TNRC6B: variants seen among roughly 807,000 people sequenced by gnomAD.
TNRC6B encodes trinucleotide repeat containing adaptor 6B.
A neutral mutation model predicts 203.6 loss-of-function variants in TNRC6B; 52 were observed. The ratio of observed to expected loss-of-function variants is 0.26; its 90% CI spans 0.20 to 0.32. The LOEUF (loss-of-function observed/expected upper bound fraction) is 0.32. TNRC6B is among the 10% of genes least tolerant of loss of function. The probability of loss-of-function intolerance (pLI) is 1.00; values close to 1 mark genes in which losing one functional copy is unlikely to be tolerated. For missense variants in TNRC6B, 1,923 were observed against 2,286.2 expected, an observed-to-expected ratio of 0.84 and a Z score of 3.24; for synonymous variants, 838 against 845.7, an observed-to-expected ratio of 0.99 and a Z score of 0.16.
chr22:40,122,774 G>A (rs1217935669), intron 2 of TNRC6B, among the ~76,000 whole-genome samples: 1 of 152,214 alleles, frequency 6.6e-6, no homozygotes, highest in Non-Finnish European at 1.5e-5. Flanking sequence ...TGTCTTGTGA[G>A]TTGGTCATCT....
At chr22:40,136,825 G>C (rs1242291870) in intron 3 of TNRC6B, among the ~76,000 whole-genome samples, 3 of 152,088 alleles carry the variant, frequency 2.0e-5, no homozygotes. Context: ...AATATTTACT[G>C]AATCAGGAAG....
At chr22:40,049,485 A>G (rs2067727302) in intron 1 of TNRC6B, among the ~76,000 whole-genome samples, 2 of 152,020 alleles carry the variant, frequency 1.3e-5, no homozygotes, top group South Asian at 4.2e-4. Flanking sequence ...CTCTTTTTCT[A>G]ATCTTCATAA....
chr22:40,142,511 A>G (rs1463610950), intron 3 of TNRC6B, among the ~76,000 whole-genome samples: 1 of 152,192 alleles, frequency 6.6e-6, no homozygotes, highest in East Asian at 1.9e-4. Context: ...AAATAACAAT[A>G]ACAATTCTTA....
intron 3 of TNRC6B, among the ~76,000 whole-genome samples, chr22:40,136,495 C>T (rs2068601237): frequency 6.6e-6 from 1 of 151,274 alleles, no homozygotes; most frequent in Non-Finnish European, 1.5e-5. Context: ...ACCTCTTGGG[C>T]TCCAAGGGAT....
chr22:40,169,549 C>T (rs893134262), intron 4 of TNRC6B, among the ~76,000 whole-genome samples: 4 of 152,178 alleles, frequency 2.6e-5, no homozygotes, highest in East Asian at 1.9e-4. Flanking sequence ...AAATATACTG[C>T]GTACTTACAT....
intron 1 of TNRC6B, among the ~76,000 whole-genome samples, chr22:40,059,374 T>A (rs9611257): frequency 0.26 from 39,246 of 152,140 alleles, 5,773 homozygotes; most frequent in African/African-American, 0.39. Context: ...TTTTTATAGA[T>A]TTCGATGTTT....
Position 40,331,780 on chromosome 22 carries a change from G to T in TNRC6B, c.*8539G>T, listed in dbSNP as rs2071470834. The T allele has an allele frequency of 2.6e-6, 1 of 381,806 alleles. No individual in the cohort carries two copies. Among genetic ancestry groups the T allele is most frequent in the African/African-American group, 2.1e-5 (1 of 48,192 alleles). The allele number at this position is 381,806 out of a possible 1,614,324, so 23.7% of individuals were successfully genotyped here. On this transcript the variant is annotated 3_prime_UTR_variant, in exon 23 of 23. Coordinates refer to ENST00000454349, the MANE Select transcript of TNRC6B (RefSeq NM_001162501.2). ...GGGAGGAGAGGGCAGAAAGGGGAAGGGAGTAGCGTTGCATCCTTGTTCTTC... is the reference window on the plus strand; with the variant it reads ...GGGAGGAGAGGGCAGAAAGGGGAAGTGAGTAGCGTTGCATCCTTGTTCTTC...
intron 1 of TNRC6B, among the ~76,000 whole-genome samples, chr22:40,077,332 A>C (rs1406652126): frequency 6.6e-6 from 1 of 152,116 alleles, no homozygotes; most frequent in African/African-American, 2.4e-5. Context: ...CTCAGAAATC[A>C]CAGTGCTAAC....
chr22:40,243,622 T>C (rs1382719467), intron 1 of TNRC6B, among the ~76,000 whole-genome samples: 1 of 152,232 alleles, frequency 6.6e-6, no homozygotes, highest in Non-Finnish European at 1.5e-5. Flanking sequence ...TTTGCTCTTG[T>C]TGCCCAGGCT....
chr22:40,134,746 T>C (rs959798213), intron 3 of TNRC6B, among the ~76,000 whole-genome samples: 31 of 152,212 alleles, frequency 2.0e-4, no homozygotes, highest in African/African-American at 7.2e-4. Flanking sequence ...TATTGGTTCA[T>C]GAATTGTGAC....
chr22:40,183,801 G>T (rs6001828), intron 1 of TNRC6B, among the ~76,000 whole-genome samples: 111,131 of 151,938 alleles, frequency 0.73, 42,055 homozygotes, highest in African/African-American at 0.93. Flanking sequence ...TTCAAGCGAT[G>T]CTTTTGCGTC....
chr22:40,226,969 G>T (rs2069794847), intron 1 of TNRC6B, among the ~76,000 whole-genome samples: 1 of 151,894 alleles, frequency 6.6e-6, no homozygotes, highest in East Asian at 1.9e-4. Flanking sequence ...TAGTGCAGTG[G>T]CACAATCTCA....
chr22:40,270,203 G>T lies in TNRC6B; in HGVS notation c.2888G>T (p.Gly963Val). 6.4e-7 allele frequency: 1 copy of T among 1,561,460 alleles called. No homozygotes were observed. The highest frequency in any genetic ancestry group is 8.7e-7 in the Non-Finnish European group (1 of 1,152,470). The change falls in exon 6 of 23, where the codon GGC becomes GTC. Residue 963 changes from glycine to valine, a missense_variant. Coordinates refer to ENST00000454349, the MANE Select transcript of TNRC6B (RefSeq NM_001162501.2). ...GEPNESSPGWGEMDDTGASTT... is the reference protein window; with the variant it reads ...GEPNESSPGWVEMDDTGASTT... ...CCAAATGAAAGCAGTCCTGGGTGGGGCGAGATGGATGATACAGGAGCATCG... is the reference window on the plus strand; with the variant it reads ...CCAAATGAAAGCAGTCCTGGGTGGGTCGAGATGGATGATACAGGAGCATCG...
At position 40,265,351 on chromosome 22, in the gene TNRC6B, A is replaced by G; in HGVS notation, c.1121A>G (p.Lys374Arg). The G allele has an allele frequency of 6.2e-6, 10 of 1,614,012 alleles. No homozygotes were observed. Among genetic ancestry groups the G allele is most frequent in the Non-Finnish European group, 8.5e-6 (10 of 1,179,894 alleles). ...CAAATTCATAACACTGATGGACCAAAAAATGGAAACACTAACTCCTTGAAC... is the reference window on the plus strand; with the variant it reads ...CAAATTCATAACACTGATGGACCAAGAAATGGAAACACTAACTCCTTGAAC... ...QAQIHNTDGPKNGNTNSLNLS... is the reference protein window; with the variant it reads ...QAQIHNTDGPRNGNTNSLNLS... Residue 374 changes from lysine to arginine, a missense_variant, in exon 5 of 23, where the codon AAA (lysine) becomes AGA (arginine). Physicochemically the swap from Lys to Arg is conservative, Grantham distance 26. This residue lies in a region of TNRC6B where 614 missense variants were observed against 587.7 expected (regional missense o/e 1.04). Transcript: ENST00000454349.
rs142222797 is a variant in TNRC6B at position 40,093,665 on chromosome 22, C to A, written c.-120-23390C>A. On this transcript the variant is annotated intron_variant, in intron 1 of 23. Transcript: ENST00000301923. Reference sequence around the variant, plus strand: ...AACAAAAGCATTTTGAAATAAAAACCATTTTTATTATGAATGGAGAAAAGT... The same window carrying A: ...AACAAAAGCATTTTGAAATAAAAACAATTTTTATTATGAATGGAGAAAAGT... Among the ~76,000 whole-genome samples the A allele has an allele frequency of 3.3e-5, 5 of 152,256 alleles. No individual in the cohort carries two copies. The East Asian group carries it at 9.6e-4, about 29-fold the overall frequency.
rs2070468454 is a variant in TNRC6B, at chr22:40,265,703, T to TA, written c.1475dup (p.Asn492LysfsTer2). ...CCTGGAACTTTGGCCCCCAGGACTC[T>TA]AATGACAACAAATGGGGTGAAGGGA... On this transcript the variant is annotated frameshift_variant, in exon 5 of 23. Transcript: ENST00000454349. LOFTEE classifies it high-confidence loss of function. 9 of 1,613,894 alleles carry TA rather than the reference T, an allele frequency of 5.6e-6. No individual in the cohort carries two copies. Among genetic ancestry groups the TA allele is most frequent in the Non-Finnish European group, 7.6e-6 (9 of 1,179,898 alleles).
At chr22:40,102,795 TTGAC>T (rs148522805) in intron 1 of TNRC6B, among the ~76,000 whole-genome samples, 4,824 of 151,744 alleles carry the variant, frequency 0.032, 261 homozygotes, top group African/African-American at 0.11. Flanking sequence ...AATAAAAAAA[TTGAC>T]TGCGCGTGGT....
At chr22:40,251,289 A>G in intron 3 of TNRC6B, 89 bp downstream of exon 3, 1 of 1,043,116 alleles carries the variant, frequency 9.6e-7, no homozygotes, top group East Asian at 2.8e-5. Context: ...ATCCACTGAA[A>G]AGAGAGTGGG....
chr22:40,318,361 C>T (rs1047504459), intron 21 of TNRC6B, among the ~76,000 whole-genome samples: 1 of 152,116 alleles, frequency 6.6e-6, no homozygotes, highest in Non-Finnish European at 1.5e-5. Flanking sequence ...TCCTGGCTAA[C>T]ATGGTGAAAC....
Sources: gnomAD v4.1 joint callset for allele counts (sites outside exome capture counted in the v4.1 genomes callset) on GRCh38, gnomAD v4.1.1 for gene constraint, gnomAD v4.1.1 regional missense constraint, MANE v1.5 for transcripts, NCBI Gene and HGNC (gene_info 2026-07-23, HGNC 2026-07-21) for gene names.